The following FBLN7 variants were observed in gnomAD, a reference collection of about 807,000 sequenced individuals.
FBLN7 encodes the protein fibulin-7.
In FBLN7, 31 loss-of-function variants were observed where a neutral mutation model predicts 44.0. The ratio of observed to expected loss-of-function variants is 0.70; its 90% CI spans 0.53 to 0.95. FBLN7 has a LOEUF of 0.95. FBLN7 is among the 40% of genes least tolerant of loss of function. FBLN7 has a pLI of 0.00. For missense variants in FBLN7, 573 were observed against 618.5 expected, an observed-to-expected ratio of 0.93 and a Z score of 0.78; for synonymous variants, 262 against 253.4, an observed-to-expected ratio of 1.03 and a Z score of -0.32.
At chr2:112,165,746 A>G (rs1355522397) in intron 3 of FBLN7, among the ~76,000 whole-genome samples, 2 of 152,214 alleles carry the variant, frequency 1.3e-5, no homozygotes, top group African/African-American at 4.8e-5. Context: ...ACTTGGTATC[A>G]AGAGGCTCCA....
the FBLN7 span, among the ~76,000 whole-genome samples, chr2:112,227,903 A>G: frequency 2.0e-5 from 3 of 152,312 alleles, no homozygotes; most frequent in African/African-American, 7.2e-5. Context: ...TCCCTATCAA[A>G]ATCTCAGCAT....
chr2:112,144,187 T>C (rs1262208243), intron 1 of FBLN7, among the ~76,000 whole-genome samples: 1 of 152,236 alleles, frequency 6.6e-6, no homozygotes, highest in Non-Finnish European at 1.5e-5. Flanking sequence ...ACGCGTGATA[T>C]TAACATCGCT....
the FBLN7 span, among the ~76,000 whole-genome samples, chr2:112,227,343 G>GGT: frequency 6.6e-6 from 1 of 152,158 alleles, no homozygotes. Context: ...TGGCCAACAT[G>GGT]GTGAAACCCC....
intron 4 of FBLN7, 62 bp downstream of exon 4, chr2:112,175,901 C>T: frequency 1.3e-6 from 2 of 1,574,586 alleles, no homozygotes; most frequent in Non-Finnish European, 1.7e-6. Context: ...GGACCCTAGG[C>T]ATAGGTCCCC....
chr2:112,216,702 A>T, the FBLN7 span, among the ~76,000 whole-genome samples: 1 of 151,680 alleles, frequency 6.6e-6, no homozygotes, highest in Non-Finnish European at 1.5e-5. Flanking sequence ...AAAAAATACA[A>T]ATAATGAGAC....
chr2:112,148,358 T>C, intron 1 of FBLN7, among the ~76,000 whole-genome samples: 1 of 152,184 alleles, frequency 6.6e-6, no homozygotes, highest in Non-Finnish European at 1.5e-5. Flanking sequence ...TACTAATGCA[T>C]GAAGATGAGC....
the FBLN7 span, among the ~76,000 whole-genome samples, chr2:112,231,298 G>T: frequency 1.3e-5 from 2 of 152,074 alleles, no homozygotes; most frequent in Non-Finnish European, 2.9e-5. Flanking sequence ...GGCTTCAAAA[G>T]AATCTTTTAA....
At chr2:112,244,515 G>A in the FBLN7 span, among the ~76,000 whole-genome samples, 3 of 152,120 alleles carry the variant, frequency 2.0e-5, no homozygotes, top group African/African-American at 7.2e-5. Context: ...GAAAGTTATA[G>A]GCATACCTTA....
At chr2:112,138,933 C>T (rs1419843143) in intron 1 of FBLN7, among the ~76,000 whole-genome samples, 1 of 135,344 alleles carries the variant, frequency 7.4e-6, no homozygotes, top group Non-Finnish European at 1.6e-5. Context: ...TCTCTCCACG[C>T]CAGTGTCCCT....
At chr2:112,196,091 G>A in the FBLN7 span, among the ~76,000 whole-genome samples, 1 of 152,224 alleles carries the variant, frequency 6.6e-6, no homozygotes, top group Non-Finnish European at 1.5e-5. Flanking sequence ...AGGTTGCCCT[G>A]TCAGCTCAGG....
chr2:112,194,279 A>G, the FBLN7 span, among the ~76,000 whole-genome samples: 1 of 152,158 alleles, frequency 6.6e-6, no homozygotes, highest in Non-Finnish European at 1.5e-5. Flanking sequence ...ACACTTAGAG[A>G]TTTTCATATG....
In FBLN7 at chr2:112,187,144, C is replaced by T. The variant is rs753743458; in HGVS notation, c.958C>T (p.Arg320Trp). 1.5e-5 allele frequency: 25 copies of T among 1,613,770 alleles called. No individual in the cohort carries two copies. The East Asian group carries it at 2.5e-4, about 16-fold the overall frequency. The change falls in exon 8 of 8, where the codon CGG (arginine) becomes TGG (tryptophan). Residue 320 changes from arginine (R) to tryptophan (W), a missense_variant. Transcript: ENST00000331203. The surrounding 1 kb of genome is among the most constrained non-coding windows in gnomAD (Gnocchi z 5.1). ...GCCTCTCCGCTCCAGCCAGTGTGAG[C>T]GGAACCCCTGCCCCATGGACAGCAG... The part of the protein sequence containing the change: ...YVKTSPFQCE[R>W]NPCPMDSRPC...
In FBLN7 at chr2:112,181,746, C is replaced by T. The variant is rs943451263; in HGVS notation, c.540C>T (p.Pro180=). 6.8e-5 allele frequency: 95 copies of T among 1,393,356 alleles called. No homozygotes were observed. In the East Asian group the frequency reaches 2.8e-3, roughly 41 times the overall value. The allele number at this position is 1,393,356 out of a possible 1,614,324, so 86.3% of individuals were successfully genotyped here. A position where few individuals can be genotyped will look rare whatever the true frequency, so the allele number is the denominator to read the frequency against. ...RCQHQAQTAA[P]EGSVAGDSAF... is the part of the protein sequence containing the mutation. ...CGTGTCTTCTCCCCGCAGCCGCCCCCGAGGGCAGCGTGGCCGGCGACTCCG... is the reference window on the plus strand; with the variant it reads ...CGTGTCTTCTCCCCGCAGCCGCCCCTGAGGGCAGCGTGGCCGGCGACTCCG... The change falls in exon 5 of 8, where the codon CCC becomes CCT. Residue 180 remains proline (P), a synonymous_variant. Transcript: ENST00000331203.
At chr2:112,219,909 A>T in the FBLN7 span, among the ~76,000 whole-genome samples, 1 of 152,190 alleles carries the variant, frequency 6.6e-6, no homozygotes, top group Non-Finnish European at 1.5e-5. Context: ...AAGTCACTTC[A>T]TAGGTCTTTA....
At chr2:112,198,179 C>T in the FBLN7 span, among the ~76,000 whole-genome samples, 1 of 152,210 alleles carries the variant, frequency 6.6e-6, no homozygotes, top group Admixed American at 6.5e-5. Flanking sequence ...GCTGATTCGG[C>T]TCTTACCCCT....
intron 1 of FBLN7, among the ~76,000 whole-genome samples, chr2:112,159,014 A>G (rs896062230): frequency 1.3e-5 from 2 of 152,206 alleles, no homozygotes; most frequent in Non-Finnish European, 2.9e-5. Flanking sequence ...CTGTGAGGAA[A>G]TAAGTTTCTG....
the FBLN7 span, among the ~76,000 whole-genome samples, chr2:112,222,293 C>T: frequency 5.9e-5 from 9 of 152,082 alleles, no homozygotes; most frequent in African/African-American, 7.2e-5. Flanking sequence ...TGAGTAAACA[C>T]GGGGTTGCAC....
At chr2:112,166,600 A>T (rs1682173685) in intron 3 of FBLN7, among the ~76,000 whole-genome samples, 1 of 152,108 alleles carries the variant, frequency 6.6e-6, no homozygotes, top group South Asian at 2.1e-4. Context: ...AAAACAGGGG[A>T]AATGCCAATA....
At chr2:112,209,836 G>A in the FBLN7 span, among the ~76,000 whole-genome samples, 5 of 150,912 alleles carry the variant, frequency 3.3e-5, no homozygotes, top group Non-Finnish European at 7.4e-5. Flanking sequence ...CCAAAAAAGG[G>A]TGTCAGAGCC....
Sources: allele counts gnomAD v4.1 joint callset (sites outside exome capture counted in the v4.1 genomes callset), GRCh38; gene constraint gnomAD v4.1.1; non-coding constraint Gnocchi (gnomAD v3.1); transcripts MANE v1.5; gene names NCBI Gene and HGNC (gene_info 2026-07-23, HGNC 2026-07-21).